PRMT9: variants seen among roughly 807,000 people sequenced by gnomAD.
PRMT9 encodes protein arginine methyltransferase 9, also known as protein arginine N-methyltransferase 9.
A neutral mutation model predicts 83.2 loss-of-function variants in PRMT9; 59 were observed. The ratio of observed to expected loss-of-function variants is 0.71; its 90% CI spans 0.57 to 0.88. PRMT9 has a LOEUF of 0.88. Ranked by LOEUF, PRMT9 falls within the 40% of genes least tolerant of loss-of-function variation. The pLI is 0.00. For synonymous variants in PRMT9, 333 were observed against 353.2 expected, an observed-to-expected ratio of 0.94 and a Z score of 0.64; for missense variants, 947 against 1,021.9, an observed-to-expected ratio of 0.93 and a Z score of 1.00.
intron 9 of PRMT9, among the ~76,000 whole-genome samples, chr4:147,650,583 T>C (rs757370843): frequency 4.6e-5 from 7 of 152,224 alleles, no homozygotes; most frequent in African/African-American, 1.4e-4. Context: ...TGGGAACACC[T>C]GCAATCCATA....
intron 6 of PRMT9, among the ~76,000 whole-genome samples, chr4:147,666,414 T>C (rs1168508988): frequency 6.6e-6 from 1 of 152,192 alleles, no homozygotes; most frequent in Admixed American, 6.5e-5. Context: ...AGTAGGGATC[T>C]AACTTTTTTC....
At chr4:147,682,383 T>G (rs1736540710) in intron 1 of PRMT9, among the ~76,000 whole-genome samples, 2 of 152,170 alleles carry the variant, frequency 1.3e-5, no homozygotes, top group South Asian at 4.1e-4. Context: ...TTCTCCATGT[T>G]GAGGCTGGTC....
Position 147,654,478 on chromosome 4 carries a change from A to G in PRMT9, c.1419T>C (p.Gly473=). Residue 473 remains glycine, a synonymous_variant, in exon 9 of 12, where the codon GGT becomes GGC. Transcript: ENST00000322396. ...YLRIQSISVL[G]LECEMDVAKS... ...TTGCAACATCCATTTCACATTCCAA[A>G]CCCAAGACACTAATACTCTGGATTC... The G allele has an allele frequency of 6.2e-7, 1 of 1,613,900 alleles. No homozygotes were observed. Among genetic ancestry groups the G allele is most frequent in the South Asian group, 1.1e-5 (1 of 91,068 alleles).
intron 10 of PRMT9, 83 bp from the exon 11 acceptor site, chr4:147,639,165 G>T: frequency 7.0e-7 from 1 of 1,433,810 alleles, no homozygotes. Context: ...CATTCCTTTT[G>T]TGGTCAGGGA....
chr4:147,680,279 A>G (rs748704564), intron 2 of PRMT9, 44 bp downstream of exon 2: 5 of 1,575,938 alleles, frequency 3.2e-6, no homozygotes, highest in Non-Finnish European at 1.7e-6. Context: ...ATCCAGACTA[A>G]TACAGAATAA....
intron 10 of PRMT9, among the ~76,000 whole-genome samples, chr4:147,641,831 T>C (rs1283287228): frequency 6.6e-6 from 1 of 151,998 alleles, no homozygotes; most frequent in African/African-American, 2.4e-5. Flanking sequence ...CCAGATAATT[T>C]TTGTATTTTT....
At chr4:147,680,944 A>C (rs1277145374) in intron 1 of PRMT9, among the ~76,000 whole-genome samples, 1 of 152,252 alleles carries the variant, frequency 6.6e-6, no homozygotes, top group African/African-American at 2.4e-5. Flanking sequence ...CCGGCAATGG[A>C]TCTCCAGCCA....
At position 147,684,107 on chromosome 4, in the gene PRMT9, C is replaced by T. The variant is rs913758957; in HGVS notation, c.-120G>A. ...TCAAAAAACAGCACAGCAAAGTTAC[C>T]CTCCGCCGCGGGTGAACTCGCCAAC... On this transcript the variant is annotated 5_prime_UTR_variant, in exon 1 of 12. Transcript: ENST00000322396. 1.8e-5 allele frequency: 22 copies of T among 1,191,314 alleles called. No homozygotes were observed. In the African/African-American group the frequency reaches 3.0e-4, roughly 16 times the overall value. The allele number at this position is 1,191,314 out of a possible 1,614,324, so 73.8% of individuals were successfully genotyped here. A position where few individuals can be genotyped will look rare whatever the true frequency, so the allele number is the denominator to read the frequency against.
intron 1 of PRMT9, among the ~76,000 whole-genome samples, chr4:147,681,735 C>T (rs1260036535): frequency 4.6e-5 from 7 of 151,570 alleles, no homozygotes; most frequent in African/African-American, 1.7e-4. Flanking sequence ...TGCAGTGAAC[C>T]GAGATCGCAC....
In PRMT9 at chr4:147,657,555, AG is replaced by A. The variant is rs1291543493; in HGVS notation, c.1330+236del. 2.0e-5 allele frequency among the ~76,000 whole-genome samples: 3 copies of A among 151,872 alleles called. No homozygotes were observed. In the East Asian group the frequency reaches 5.8e-4, roughly 29 times the overall value. On this transcript the variant is annotated intron_variant, in intron 8 of 11. Coordinates refer to ENST00000322396, the MANE Select transcript of PRMT9 (RefSeq NM_138364.4). The stretch of plus-strand genomic sequence containing the variant: ...AAAAAAAAGAAAAAAGAAAAATCAG[AG>A]CTGAAGAAATAATGATAGGTTTTTC...
At chr4:147,657,768 A>C (rs1391603701) in intron 8 of PRMT9, 24 bp downstream of exon 8, 1 of 1,534,112 alleles carries the variant, frequency 6.5e-7, no homozygotes, top group Non-Finnish European at 8.9e-7. Context: ...CAAGAGGTTA[A>C]AAAAAAAAAT....
At chr4:147,662,929 A>C (rs548443354) in intron 6 of PRMT9, among the ~76,000 whole-genome samples, 2 of 152,350 alleles carry the variant, frequency 1.3e-5, no homozygotes, top group African/African-American at 4.8e-5. Flanking sequence ...TGCCTTTATA[A>C]AATTTCAAAA....
At chr4:147,680,888 C>G (rs1415586929) in intron 1 of PRMT9, among the ~76,000 whole-genome samples, 5 of 152,234 alleles carry the variant, frequency 3.3e-5, no homozygotes, top group African/African-American at 1.2e-4. Flanking sequence ...ACCTTCTCTT[C>G]TGAACCTCAG....
At chr4:147,681,593 C>G (rs1736472762) in intron 1 of PRMT9, among the ~76,000 whole-genome samples, 1 of 152,056 alleles carries the variant, frequency 6.6e-6, no homozygotes, top group Non-Finnish European at 1.5e-5. Context: ...TGAAGACCAG[C>G]ATGGCCAACA....
intron 2 of PRMT9, 41 bp downstream of exon 2, chr4:147,680,282 C>G (rs541705795): frequency 7.6e-6 from 12 of 1,586,328 alleles, no homozygotes; most frequent in Non-Finnish European, 1.0e-5. Flanking sequence ...CAGACTAATA[C>G]AGAATAATTC....
Position 147,683,948 on chromosome 4 carries a change from C to A in PRMT9, c.40G>T (p.Gly14Cys), listed in dbSNP as rs78226695. 4.3e-3 allele frequency: 6,910 copies of A among 1,612,964 alleles called. 409 individuals carry two copies. In the East Asian group the frequency reaches 0.13, roughly 29 times the overall value. The change falls in exon 1 of 12, where the codon GGT becomes TGT. Residue 14 changes from glycine (G) to cysteine (C), a missense_variant. By Grantham distance (159) the Gly-to-Cys change is radical. Transcript: ENST00000322396. ...SRPRSRRDAG[G>C]GAGAAGRDEL... Reference sequence around the variant, plus strand: ...TCCCGGCCGGCTGCCCCAGCGCCACCCCCGGCGTCTCGGCGGGACCTGGGC... The same window carrying A: ...TCCCGGCCGGCTGCCCCAGCGCCACACCCGGCGTCTCGGCGGGACCTGGGC...
intron 3 of PRMT9, 62 bp downstream of exon 3, chr4:147,673,576 G>T: frequency 9.4e-7 from 1 of 1,066,126 alleles, no homozygotes; most frequent in Non-Finnish European, 1.5e-6. Flanking sequence ...TCCATATCTG[G>T]CAAAATCTTT....
chr4:147,671,947 G>A, intron 4 of PRMT9: 2 of 453,060 alleles, frequency 4.4e-6, no homozygotes, highest in South Asian at 3.1e-5. Flanking sequence ...TGCAATCCAG[G>A]AAGAGAATCC....
chr4:147,666,300 G>T lies in PRMT9; in HGVS notation c.953+2239C>A, dbSNP rs75845522. Reference sequence around the variant, plus strand: ...ATTGTTTTAAAATGTGGTCACATTTGTCAATGTTCTGTGGCTTCTGGGCCC... The same window carrying T: ...ATTGTTTTAAAATGTGGTCACATTTTTCAATGTTCTGTGGCTTCTGGGCCC... On this transcript the variant is annotated intron_variant, in intron 6 of 11. Transcript: ENST00000322396. Among the ~76,000 whole-genome samples the T allele has an allele frequency of 1.4e-3, 215 of 152,112 alleles. 4 individuals are homozygous for T. In the East Asian group the frequency reaches 0.033, roughly 23 times the overall value.
Sources: allele counts gnomAD v4.1 joint callset (sites outside exome capture counted in the v4.1 genomes callset), GRCh38; gene constraint gnomAD v4.1.1; transcripts MANE v1.5; gene names NCBI Gene and HGNC (gene_info 2026-07-23, HGNC 2026-07-21).